SLC22A8: variants seen among roughly 807,000 people sequenced by gnomAD.
The protein encoded by SLC22A8 is organic anion transporter 3.
A neutral mutation model predicts 48.4 loss-of-function variants in SLC22A8; 40 were observed. That is an observed-to-expected ratio of 0.83 (90% CI 0.64 to 1.08). SLC22A8 has a LOEUF of 1.08. Among genes scored for constraint, SLC22A8 ranks in the 50% least tolerant of loss-of-function variants. The pLI, the probability that SLC22A8 is intolerant of heterozygous loss-of-function variation, is 0.00. For synonymous variants in SLC22A8, 268 were observed against 286.3 expected, an observed-to-expected ratio of 0.94 and a Z score of 0.65; for missense variants, 606 against 699.0, an observed-to-expected ratio of 0.87 and a Z score of 1.50.
chr11:63,003,664 T>A (rs1259634325), intron 2 of SLC22A8, among the ~76,000 whole-genome samples: 1 of 152,198 alleles, frequency 6.6e-6, no homozygotes, highest in African/African-American at 2.4e-5. Context: ...CCTGATGACC[T>A]TGTACTGAGT....
chr11:62,998,252 A>AGCTC (rs144367369), intron 5 of SLC22A8, among the ~76,000 whole-genome samples: 8,228 of 152,060 alleles, frequency 0.054, 731 homozygotes, highest in African/African-American at 0.19. Context: ...GTGCCCGGCC[A>AGCTC]GCTCTGACTA....
At position 62,993,317 on chromosome 11, in the gene SLC22A8, GCTT is replaced by G; in HGVS notation, c.1546_1548del (p.Lys516del). 3.7e-6 allele frequency: 6 copies of G among 1,613,930 alleles called. No homozygotes were observed. Among genetic ancestry groups the G allele is most frequent in the South Asian group, 1.1e-5 (1 of 91,052 alleles). ...TTTTCCACCTCTGGCTCCTGCTTTG[GCTT>G]CTTTGCCCGCAGGGACCTAGGGACA... On this transcript the variant is annotated inframe_deletion, in exon 11 of 11. Transcript: ENST00000336232.
Position 62,996,275 on chromosome 11 carries a change from C to T in SLC22A8, c.762-123G>A, listed in dbSNP as rs2135119539. The T allele has an allele frequency of 5.2e-6, 5 of 963,454 alleles. No homozygotes were observed. In the East Asian group the frequency reaches 1.0e-4, roughly 20 times the overall value. The allele number at this position is 963,454 out of a possible 1,614,324, so 59.7% of individuals were successfully genotyped here. A position where few individuals can be genotyped will look rare whatever the true frequency, so the allele number is the denominator to read the frequency against. ...ACCAGAAACCTGAGCTATCTCACTG[C>T]AGATTTCATGGAATTTAAACTTGGA... On this transcript the variant is annotated intron_variant, in intron 5 of 10. Transcript: ENST00000336232.
intron 2 of SLC22A8, 86 bp downstream of exon 2, chr11:63,014,540 G>A: frequency 1.6e-6 from 2 of 1,232,578 alleles, no homozygotes; most frequent in South Asian, 1.5e-5. Flanking sequence ...GGGAACACCA[G>A]ACCCCAGCCT....
intron 8 of SLC22A8, chr11:62,994,099 T>G (rs567921881): frequency 6.5e-5 from 38 of 583,720 alleles, no homozygotes; most frequent in Admixed American, 6.0e-4. Flanking sequence ...TATGTTCTTG[T>G]TCTTGTCTTA....
chr11:63,000,666 G>A (rs1160625959), intron 3 of SLC22A8, 54 bp downstream of exon 3: 9 of 1,297,782 alleles, frequency 6.9e-6, no homozygotes, highest in Non-Finnish European at 1.0e-5. Context: ...AGCAGAGTAG[G>A]GAAGGGTTGT....
intron 9 of SLC22A8, 40 bp from the exon 10 acceptor site, chr11:62,993,667 GGGTTCATAAAGGATGGCTCCCCT>G (rs1230573916): frequency 3.7e-6 from 6 of 1,601,410 alleles, no homozygotes; most frequent in African/African-American, 2.7e-5. Flanking sequence ...CCTGTGTGTG[GGGTTCATAAAGGATGGCTCCCCT>G]GGGTAGAGGA....
In SLC22A8 at chr11:63,014,684, A is replaced by C; in HGVS notation, c.275T>G (p.Met92Arg). The C allele has an allele frequency of 6.2e-7, 1 of 1,613,324 alleles. No individual in the cohort carries two copies. Among genetic ancestry groups the C allele is most frequent in the Non-Finnish European group, 8.5e-7 (1 of 1,179,396 alleles). Residue 92 changes from methionine (M) to arginine (R), a missense_variant, in exon 2 of 11, where the codon ATG (methionine) becomes AGG (arginine). Transcript: ENST00000336232. ...GACCCAGCCATCCAGGCATGGCTCC[A>C]TGGCCCTCTGGGTGTCATTGGGCAG... ...ASLPNDTQRA[M>R]EPCLDGWVYN...
intron 2 of SLC22A8, among the ~76,000 whole-genome samples, chr11:63,006,623 T>TTTTTTTTG (rs1317151675): frequency 2.3e-5 from 3 of 127,804 alleles, no homozygotes; most frequent in African/African-American, 1.0e-4. Context: ...TTTTTTTTTT[T>TTTTTTTTG]TTGAGACAGA....
intron 2 of SLC22A8, among the ~76,000 whole-genome samples, chr11:63,004,126 C>T (rs2086528922): frequency 6.6e-6 from 1 of 152,160 alleles, no homozygotes; most frequent in South Asian, 2.1e-4. Context: ...AGGCTGCTGT[C>T]CTGCTCCACC....
rs1452053446 is a variant in SLC22A8 at position 63,006,197 on chromosome 11, C to T, written c.334-5374G>A. Among the ~76,000 whole-genome samples, 4 of 152,298 alleles carry T rather than the reference C, an allele frequency of 2.6e-5. 1 individual carries two copies. The highest frequency in any genetic ancestry group is 4.1e-4 in the South Asian group (2 of 4,824). On this transcript the variant is annotated intron_variant, in intron 2 of 10. Transcript: ENST00000336232. ...TGACTTGTGTTTCCCTTGACTGTGT[C>T]TCCATGGTAGTCTGAGCCATGCAAG...
In SLC22A8 at chr11:63,014,928, C is replaced by T; in HGVS notation, c.31G>A (p.Gly11Arg). Reference sequence around the variant, plus strand: ...AGGAACTGGAAATGGCCCATGCTTCCCACACGGTCCAGGATCTCCGAGAAG... The same window carrying T: ...AGGAACTGGAAATGGCCCATGCTTCTCACACGGTCCAGGATCTCCGAGAAG... Reference protein sequence around the residue: MTFSEILDRVGSMGHFQFLHV... With the variant: MTFSEILDRVRSMGHFQFLHV... Residue 11 changes from glycine (G) to arginine (R), a missense_variant, in exon 2 of 11, where the codon GGA (glycine) becomes AGA (arginine). Transcript: ENST00000336232. 6.4e-7 allele frequency: 1 copy of T among 1,566,612 alleles called. No individual in the cohort carries two copies. The highest frequency in any genetic ancestry group is 1.7e-5 in the Admixed American group (1 of 57,312).
chr11:63,012,287 G>A (rs573539533), intron 2 of SLC22A8, among the ~76,000 whole-genome samples: 2 of 152,084 alleles, frequency 1.3e-5, no homozygotes, highest in East Asian at 1.9e-4. Flanking sequence ...CACTGCACCC[G>A]GCCTTTCTTC....
chr11:63,010,876 C>G (rs1162409288), intron 2 of SLC22A8, among the ~76,000 whole-genome samples: 2 of 152,158 alleles, frequency 1.3e-5, no homozygotes. Context: ...AGAGGCTTCT[C>G]GAGGGGTTTT....
Position 63,014,633 on chromosome 11 carries a change from A to T in SLC22A8, c.326T>A (p.Val109Glu). The T allele has an allele frequency of 6.3e-7, 1 of 1,588,550 alleles. No homozygotes were observed. Among genetic ancestry groups the T allele is most frequent in the East Asian group, 2.3e-5 (1 of 44,344 alleles). Residue 109 changes from valine to glutamate, a missense_variant, in exon 2 of 11, where the codon GTG becomes GAG. Coordinates refer to ENST00000336232, the MANE Select transcript of SLC22A8 (RefSeq NM_004254.4). ...WVYNSTKDSIVTEWDLVCNSN... is the reference protein window; with the variant it reads ...WVYNSTKDSIETEWDLVCNSN... ...GGGTTTGCCCAGGCATACCTCTGTC[A>T]CAATGGAGTCCTTGGTGCTGTTGTA...
intron 2 of SLC22A8, among the ~76,000 whole-genome samples, chr11:63,005,475 T>C (rs1324431099): frequency 6.6e-6 from 1 of 152,264 alleles, no homozygotes; most frequent in Non-Finnish European, 1.5e-5. Flanking sequence ...GGTTGACTTG[T>C]GTCCCTCCAA....
chr11:62,993,747 C>G, intron 9 of SLC22A8, 23 bp downstream of exon 9: 1 of 1,600,564 alleles, frequency 6.2e-7, no homozygotes. Flanking sequence ...CTGGCTGGGC[C>G]TGGCCCCAGG....
chr11:63,010,019 C>T (rs562538369), intron 2 of SLC22A8, among the ~76,000 whole-genome samples: 35 of 152,162 alleles, frequency 2.3e-4, no homozygotes, highest in Non-Finnish European at 4.7e-4. Flanking sequence ...GGGGATCCCC[C>T]TCTCTTGTGA....
intron 3 of SLC22A8, among the ~76,000 whole-genome samples, chr11:63,000,505 AAAAAG>A (rs1183237899): frequency 7.2e-5 from 11 of 151,834 alleles, no homozygotes; most frequent in African/African-American, 2.7e-4. Flanking sequence ...AAAAAAAAAA[AAAAAG>A]GAAGGCTGGA....
Sources: gnomAD v4.1 joint callset for allele counts (sites outside exome capture counted in the v4.1 genomes callset) on GRCh38, gnomAD v4.1.1 for gene constraint, MANE v1.5 for transcripts, NCBI Gene and HGNC (gene_info 2026-07-23, HGNC 2026-07-21) for gene names.